Variants in CNTLN observed in about 807,000 individuals in gnomAD.
The protein encoded by CNTLN is centlein, centrosomal protein.
Under a neutral mutation model 180.0 loss-of-function variants are expected in CNTLN, and 212 were observed. That is an observed-to-expected ratio of 1.18 (90% CI 1.05 to 1.32). The LOEUF is 1.32. Among genes scored for constraint, CNTLN ranks in the 40% most tolerant of loss-of-function variants. The pLI, the probability that CNTLN is intolerant of heterozygous loss-of-function variation, is 0.00. For missense variants in CNTLN, 2,095 were observed against 1,610.9 expected, an observed-to-expected ratio of 1.30 and a Z score of -5.14; for synonymous variants, 722 against 563.1, an observed-to-expected ratio of 1.28 and a Z score of -3.99.
At chr9:17,356,060 T>A (rs1200166248) in intron 12 of CNTLN, among the ~76,000 whole-genome samples, 2 of 50,208 alleles carry the variant, frequency 4.0e-5, no homozygotes, top group Non-Finnish European at 7.7e-5. Flanking sequence ...CGAGACTCCA[T>A]CTCAAAAAAA....
intron 12 of CNTLN, among the ~76,000 whole-genome samples, chr9:17,364,880 T>C (rs1347423279): frequency 6.6e-6 from 1 of 152,156 alleles, no homozygotes; most frequent in Non-Finnish European, 1.5e-5. Flanking sequence ...ACCTATTGAT[T>C]TAGGCTTGGG....
chr9:17,213,388 A>T (rs1298750587), intron 2 of CNTLN, among the ~76,000 whole-genome samples: 1 of 152,116 alleles, frequency 6.6e-6, no homozygotes, highest in Non-Finnish European at 1.5e-5. Context: ...CTTAATCCTG[A>T]GTTCTAGTTT....
chr9:17,497,017 G>A (rs1833491369), intron 25 of CNTLN, among the ~76,000 whole-genome samples: 1 of 152,172 alleles, frequency 6.6e-6, no homozygotes, highest in African/African-American at 2.4e-5. Flanking sequence ...AAAGTAATGT[G>A]TCAGGCTTTG....
At chr9:17,518,349 C>A in the CNTLN span, among the ~76,000 whole-genome samples, 1 of 151,958 alleles carries the variant, frequency 6.6e-6, no homozygotes, top group African/African-American at 2.4e-5. Flanking sequence ...GCCTGGCCTC[C>A]ATAAAGTTTT....
chr9:17,259,483 G>C lies in CNTLN; in HGVS notation c.850-14250G>C, dbSNP rs1057147549. ...CGGCTTTGGTATCAGAATGATGCTG[G>C]CCTCATAAAATGAGTTTGGGAGGAT... On this transcript the variant is annotated intron_variant, in intron 5 of 25. Transcript: ENST00000380647. 1.5e-4 allele frequency among the ~76,000 whole-genome samples: 23 copies of C among 148,872 alleles called. 1 individual carries two copies. Among genetic ancestry groups the C allele is most frequent in the Middle Eastern group, 3.4e-3 (1 of 292 alleles).
chr9:17,150,824 C>G (rs910371901), intron 2 of CNTLN, among the ~76,000 whole-genome samples: 1 of 152,066 alleles, frequency 6.6e-6, no homozygotes, highest in Non-Finnish European at 1.5e-5. Flanking sequence ...CTCTTACTTC[C>G]TTGAGCAGTG....
intron 2 of CNTLN, among the ~76,000 whole-genome samples, chr9:17,214,487 A>T (rs888806827): frequency 6.6e-6 from 1 of 151,626 alleles, no homozygotes; most frequent in Admixed American, 6.6e-5. Flanking sequence ...TGCCCTTAAT[A>T]TTTTTTCCGT....
chr9:17,427,124 A>C (rs1195414398), intron 18 of CNTLN, among the ~76,000 whole-genome samples: 1 of 152,036 alleles, frequency 6.6e-6, no homozygotes. Flanking sequence ...TCCGAGCCCA[A>C]GGTCAAAGTT....
intron 20 of CNTLN, among the ~76,000 whole-genome samples, chr9:17,463,741 T>G (rs1452876304): frequency 6.6e-6 from 1 of 151,664 alleles, no homozygotes; most frequent in Non-Finnish European, 1.5e-5. Flanking sequence ...TCTTGCTTAT[T>G]GTTTAACAGG....
At chr9:17,345,113 T>C (rs1432060649) in intron 12 of CNTLN, among the ~76,000 whole-genome samples, 1 of 152,212 alleles carries the variant, frequency 6.6e-6, no homozygotes, top group Non-Finnish European at 1.5e-5. Context: ...CTTATCCATC[T>C]ATTGAAGAAC....
chr9:17,306,614 A>G (rs1563979879), intron 7 of CNTLN, among the ~76,000 whole-genome samples: 1 of 152,228 alleles, frequency 6.6e-6, no homozygotes, highest in Non-Finnish European at 1.5e-5. Context: ...ACTAGTGGCC[A>G]GTAAATTGGT....
intron 15 of CNTLN, among the ~76,000 whole-genome samples, chr9:17,403,545 A>ATTT (rs66964106): frequency 0.094 from 13,989 of 148,512 alleles, 1,516 homozygotes; most frequent in East Asian, 0.25. Flanking sequence ...GGAGGCATCA[A>ATTT]TTTTTTTTTT....
chr9:17,187,967 T>C (rs1052821087), intron 2 of CNTLN, among the ~76,000 whole-genome samples: 1 of 149,908 alleles, frequency 6.7e-6, no homozygotes, highest in Non-Finnish European at 1.5e-5. Flanking sequence ...ATTTATATAC[T>C]CTCTACTTTG....
At chr9:17,504,058 T>C (rs936284727), downstream of CNTLN, 1 of 151,640 alleles carries the variant, frequency 6.6e-6, no homozygotes, top group African/African-American at 2.4e-5. Flanking sequence ...CAGTTACAAC[T>C]TGACAGAATT....
At chr9:17,140,586 G>C (rs1481064644) in intron 1 of CNTLN, among the ~76,000 whole-genome samples, 1 of 152,068 alleles carries the variant, frequency 6.6e-6, no homozygotes, top group African/African-American at 2.4e-5. Context: ...AACTACAGGC[G>C]TATTCCACTA....
chr9:17,350,315 A>G (rs1822253458), intron 12 of CNTLN, among the ~76,000 whole-genome samples: 1 of 152,186 alleles, frequency 6.6e-6, no homozygotes. Context: ...AGTAAATCAG[A>G]AATGTGCAGT....
At chr9:17,178,604 C>G (rs545749047) in intron 2 of CNTLN, among the ~76,000 whole-genome samples, 16 of 152,176 alleles carry the variant, frequency 1.1e-4, no homozygotes, top group African/African-American at 2.2e-4. Flanking sequence ...GGTGAGAAAT[C>G]GAGCACAGCA....
At position 17,312,369 on chromosome 9, in the gene CNTLN, T is replaced by TTATATATATATATATATA. The variant is rs1587619948; in HGVS notation, c.1341+3117_1341+3118insTATATATATATATATATA. On this transcript the variant is annotated intron_variant, in intron 8 of 25. Transcript: ENST00000380647. ...TATATATATATATATATATATTATA[T>TTATATATATATATATATA]ATATATATATATATAATTTATTTAT... Among the ~76,000 whole-genome samples, 73 of 34,040 alleles carry TTATATATATATATATATA rather than the reference T, an allele frequency of 2.1e-3. No individual in the cohort carries two copies. In the East Asian group the frequency reaches 0.024, roughly 11 times the overall value. 22.3% of individuals were successfully genotyped at this position (34,040 alleles called of 152,430 possible).
chr9:17,200,676 A>G (rs1171800759), intron 2 of CNTLN, among the ~76,000 whole-genome samples: 1 of 152,138 alleles, frequency 6.6e-6, no homozygotes, highest in African/African-American at 2.4e-5. Flanking sequence ...TGATTTTTGC[A>G]CATTGATTTG....
Sources: allele counts gnomAD v4.1 joint callset (sites outside exome capture counted in the v4.1 genomes callset), GRCh38; gene constraint gnomAD v4.1.1; transcripts MANE v1.5; gene names NCBI Gene and HGNC (gene_info 2026-07-23, HGNC 2026-07-21).